The following MAD1L1 variants were observed in gnomAD, a reference collection of about 807,000 sequenced individuals.
The protein encoded by MAD1L1 is mitotic arrest deficient 1 like 1.
A neutral mutation model predicts 96.9 loss-of-function variants in MAD1L1; 95 were observed. That is an observed-to-expected ratio of 0.98 (90% confidence interval 0.83 to 1.16). MAD1L1 has a LOEUF of 1.16. Among genes scored for constraint, MAD1L1 ranks in the 50% most tolerant of loss-of-function variants. MAD1L1 has a pLI of 0.00. For synonymous variants in MAD1L1, 473 were observed against 396.6 expected, an observed-to-expected ratio of 1.19 and a Z score of -2.29; for missense variants, 1,007 against 954.4, an observed-to-expected ratio of 1.06 and a Z score of -0.73.
intron 12 of MAD1L1, among the ~76,000 whole-genome samples, chr7:2,056,523 T>C (rs998006732): frequency 6.6e-6 from 1 of 152,108 alleles, no homozygotes; most frequent in African/African-American, 2.4e-5. Flanking sequence ...AGAATGGCTA[T>C]CCAGGAAAGA....
intron 12 of MAD1L1, among the ~76,000 whole-genome samples, chr7:2,049,838 A>G (rs1480405535): frequency 1.3e-5 from 2 of 151,922 alleles, no homozygotes; most frequent in Admixed American, 1.3e-4. Flanking sequence ...TGCGGGCACC[A>G]GACCACACGT....
At chr7:1,910,068 C>G (rs1366687196) in intron 17 of MAD1L1, among the ~76,000 whole-genome samples, 1 of 152,148 alleles carries the variant, frequency 6.6e-6, no homozygotes, top group Non-Finnish European at 1.5e-5. Context: ...TTACAGCCAC[C>G]AGATTACGGG....
At chr7:1,938,903 G>GCA (rs367763521) in intron 16 of MAD1L1, among the ~76,000 whole-genome samples, 831 of 81,810 alleles carry the variant, frequency 0.01, 4 homozygotes, top group African/African-American at 0.02. Flanking sequence ...CCAGAGGCGC[G>GCA]CACACACACA....
intron 2 of MAD1L1, 139 bp downstream of exon 2, chr7:2,230,410 C>G (rs1794134652): frequency 5.4e-6 from 2 of 367,276 alleles, no homozygotes; most frequent in Non-Finnish European, 1.0e-5. Context: ...AGATGGACAG[C>G]TGGCGCCCGG....
At chr7:1,837,259 G>A (rs6965935) in intron 18 of MAD1L1, among the ~76,000 whole-genome samples, 65,626 of 152,026 alleles carry the variant, frequency 0.43, 14,528 homozygotes, top group African/African-American at 0.51. Flanking sequence ...ATGAGACGCC[G>A]TCAGTCACCT....
chr7:1,940,871 A>T (rs1283479348), intron 16 of MAD1L1, among the ~76,000 whole-genome samples: 1 of 107,070 alleles, frequency 9.3e-6, no homozygotes, highest in Non-Finnish European at 2.0e-5. Flanking sequence ...ACCCCTGGCA[A>T]GAACCAGGCC....
At chr7:1,966,619 A>G (rs1190498080) in intron 15 of MAD1L1, among the ~76,000 whole-genome samples, 1 of 152,030 alleles carries the variant, frequency 6.6e-6, no homozygotes, top group Non-Finnish European at 1.5e-5. Flanking sequence ...GCAAACTCCA[A>G]ACAGAATAAA....
Position 2,230,085 on chromosome 7 carries a change from A to G in MAD1L1, c.49T>C (p.Leu17=). The change falls in exon 3 of 19, where the codon TTG becomes CTG. Residue 17 remains leucine (L), a synonymous_variant. Coordinates refer to ENST00000265854, the MANE Select transcript of MAD1L1 (RefSeq NM_001013836.2). ...NTMVLSTLRS[L]NNFISQRVEG... is the part of the protein sequence containing the mutation. ...ACACGCTGAGAGATGAAGTTGTTCAAAGATCTCAGGGTGGATAAAACCATG... is the reference window on the plus strand; with the variant it reads ...ACACGCTGAGAGATGAAGTTGTTCAGAGATCTCAGGGTGGATAAAACCATG... 2 of 1,611,246 alleles carry G rather than the reference A, an allele frequency of 1.2e-6. No homozygotes were observed. Among genetic ancestry groups the G allele is most frequent in the Middle Eastern group, 3.3e-4 (2 of 6,050 alleles).
intron 10 of MAD1L1, among the ~76,000 whole-genome samples, chr7:2,164,800 A>G (rs1790345750): frequency 1.3e-5 from 2 of 152,208 alleles, no homozygotes; most frequent in African/African-American, 2.4e-5. Context: ...ATGGACAAAC[A>G]GACAGAGTCC....
intron 14 of MAD1L1, among the ~76,000 whole-genome samples, chr7:1,985,366 G>C (rs57148375): frequency 0.17 from 25,656 of 152,272 alleles, 2,709 homozygotes; most frequent in South Asian, 0.31. Context: ...CCTGCAGAGC[G>C]GACTGGGCAC....
intron 16 of MAD1L1, among the ~76,000 whole-genome samples, chr7:1,947,187 G>T (rs892530662): frequency 1.3e-5 from 2 of 152,192 alleles, no homozygotes; most frequent in Non-Finnish European, 2.9e-5. Context: ...GGGTGCCATG[G>T]GCCCTTGGCT....
chr7:1,859,077 GGC>G (rs1784394606), intron 18 of MAD1L1, among the ~76,000 whole-genome samples: 3 of 84,932 alleles, frequency 3.5e-5, no homozygotes, highest in Non-Finnish European at 9.7e-5. Flanking sequence ...AGGAGGGCCA[GGC>G]ACCTGAGAGA....
chr7:1,997,163 A>G (rs1008997168), intron 14 of MAD1L1, among the ~76,000 whole-genome samples: 13 of 152,220 alleles, frequency 8.5e-5, no homozygotes, highest in African/African-American at 3.1e-4. Flanking sequence ...TTGTCTTGTC[A>G]TTGGCAATTA....
At chr7:2,180,019 C>T (rs1791125303) in intron 10 of MAD1L1, among the ~76,000 whole-genome samples, 1 of 152,080 alleles carries the variant, frequency 6.6e-6, no homozygotes, top group African/African-American at 2.4e-5. Flanking sequence ...TTGATTTCAC[C>T]TCCCCTAATC....
intron 10 of MAD1L1, among the ~76,000 whole-genome samples, chr7:2,168,893 GGGA>G (rs1385088662): frequency 6.6e-6 from 1 of 152,198 alleles, no homozygotes; most frequent in African/African-American, 2.4e-5. Flanking sequence ...TGGCTGAAGC[GGGA>G]GGAACACGCT....
chr7:2,120,667 A>T (rs1348053778), intron 11 of MAD1L1, among the ~76,000 whole-genome samples: 1 of 152,238 alleles, frequency 6.6e-6, no homozygotes, highest in Non-Finnish European at 1.5e-5. Context: ...ACACAAAACC[A>T]AGGCGTTTCA....
At chr7:2,201,224 T>A (rs1382564898) in intron 10 of MAD1L1, among the ~76,000 whole-genome samples, 1 of 113,842 alleles carries the variant, frequency 8.8e-6, no homozygotes, top group African/African-American at 2.8e-5. Context: ...GAAGGGCAGG[T>A]AGTGGTGGGC....
At chr7:2,071,062 C>T (rs987681298) in intron 11 of MAD1L1, among the ~76,000 whole-genome samples, 1 of 151,852 alleles carries the variant, frequency 6.6e-6, no homozygotes, top group African/African-American at 2.4e-5. Context: ...AAAGCTTCAT[C>T]CCAGGGCTGG....
chr7:1,819,132 A>G lies in MAD1L1; in HGVS notation c.1999-2904T>C, dbSNP rs1240039960. On this transcript the variant is annotated intron_variant, in intron 18 of 18. Coordinates refer to ENST00000265854, the MANE Select transcript of MAD1L1 (RefSeq NM_001013836.2). ...TGCCATCGCTGCTCAGCCCTCTGCCATGTTCAAATATCACACAGTCCCCAG... is the reference window on the plus strand; with the variant it reads ...TGCCATCGCTGCTCAGCCCTCTGCCGTGTTCAAATATCACACAGTCCCCAG... Among the ~76,000 whole-genome samples, 5 of 152,122 alleles carry G rather than the reference A, an allele frequency of 3.3e-5. 1 individual carries two copies. Among genetic ancestry groups the G allele is most frequent in the Non-Finnish European group, 7.4e-5 (5 of 68,024 alleles).
Sources: gnomAD v4.1 joint callset for allele counts (sites outside exome capture counted in the v4.1 genomes callset) on GRCh38, gnomAD v4.1.1 for gene constraint, MANE v1.5 for transcripts, NCBI Gene and HGNC (gene_info 2026-07-23, HGNC 2026-07-21) for gene names.